The following CDIN1 variants were observed in gnomAD, a reference collection of about 807,000 sequenced individuals.
The protein encoded by CDIN1 is CDAN1 interacting nuclease 1.
CDIN1 carries 33 observed loss-of-function variants against 45.3 expected under a neutral mutation model. The ratio of observed to expected loss-of-function variants is 0.73; its 90% CI spans 0.55 to 0.97. CDIN1 has a LOEUF of 0.97. Among genes scored for constraint, CDIN1 ranks in the 50% least tolerant of loss-of-function variants. The probability of loss-of-function intolerance (pLI) is 0.00; values close to 1 mark genes in which losing one functional copy is unlikely to be tolerated. For missense variants in CDIN1, 303 were observed against 339.4 expected, an observed-to-expected ratio of 0.89 and a Z score of 0.84; for synonymous variants, 118 against 124.4, an observed-to-expected ratio of 0.95 and a Z score of 0.34.
At chr15:36,655,383 G>A (rs575774329) in intron 4 of CDIN1, among the ~76,000 whole-genome samples, 2 of 150,398 alleles carry the variant, frequency 1.3e-5, no homozygotes, top group Non-Finnish European at 2.9e-5. Flanking sequence ...CTGGAGTGCA[G>A]TGGCGTGATC....
intron 10 of CDIN1, among the ~76,000 whole-genome samples, chr15:36,734,177 G>A (rs1000652433): frequency 2.6e-5 from 4 of 152,122 alleles, no homozygotes; most frequent in South Asian, 4.1e-4. Flanking sequence ...AATCTCACCC[G>A]TAAAGTAGGA....
intron 5 of CDIN1, among the ~76,000 whole-genome samples, chr15:36,680,234 T>C (rs778128385): frequency 1.2e-4 from 19 of 152,182 alleles, no homozygotes; most frequent in Non-Finnish European, 2.5e-4. Context: ...GTGATTGCAC[T>C]CCCCATCCTG....
At chr15:36,797,737 T>TG (rs112386715) in intron 10 of CDIN1, among the ~76,000 whole-genome samples, 28 of 152,202 alleles carry the variant, frequency 1.8e-4, no homozygotes, top group African/African-American at 6.3e-4. Flanking sequence ...CCCAGCACTT[T>TG]GGGGGGCCGA....
At chr15:36,805,370 A>G (rs758183035) in intron 10 of CDIN1, among the ~76,000 whole-genome samples, 10 of 152,160 alleles carry the variant, frequency 6.6e-5, no homozygotes, top group Non-Finnish European at 1.3e-4. Context: ...TCTGCTGTGC[A>G]TATCTCCTCA....
intron 1 of CDIN1, among the ~76,000 whole-genome samples, chr15:36,606,003 T>C (rs542835810): frequency 1.3e-5 from 2 of 152,256 alleles, no homozygotes; most frequent in African/African-American, 2.4e-5. Flanking sequence ...CTTGCTTCAT[T>C]AGCGTGCTTG....
At chr15:36,687,191 G>A (rs1316703043) in intron 5 of CDIN1, among the ~76,000 whole-genome samples, 1 of 152,040 alleles carries the variant, frequency 6.6e-6, no homozygotes, top group Admixed American at 6.6e-5. Flanking sequence ...GAAAATAAGA[G>A]AGTAAAAATA....
At chr15:36,669,042 C>T (rs986829564) in intron 5 of CDIN1, 22 of 152,044 alleles carry the variant, frequency 1.4e-4, no homozygotes, top group African/African-American at 4.6e-4. Context: ...TGTGAATTCT[C>T]TGATAATTTT....
At chr15:36,583,766 C>T (rs149015076) in intron 1 of CDIN1, among the ~76,000 whole-genome samples, 61 of 152,288 alleles carry the variant, frequency 4.0e-4, no homozygotes, top group African/African-American at 1.3e-3. Flanking sequence ...CCTGTAATCC[C>T]GGCACTTTGG....
intron 1 of CDIN1, among the ~76,000 whole-genome samples, chr15:36,592,482 C>G (rs1260634369): frequency 3.3e-5 from 5 of 152,168 alleles, no homozygotes; most frequent in Non-Finnish European, 7.3e-5. Flanking sequence ...CAAGGGATGT[C>G]TTTCATAGAT....
chr15:36,607,472 A>G (rs2038430448), intron 1 of CDIN1, among the ~76,000 whole-genome samples: 2 of 152,296 alleles, frequency 1.3e-5, no homozygotes, highest in East Asian at 1.9e-4. Context: ...GTAAAATATA[A>G]TAGCTTACTT....
intron 8 of CDIN1, chr15:36,708,082 G>C (rs541676145): frequency 6.6e-6 from 1 of 152,100 alleles, no homozygotes; most frequent in African/African-American, 2.4e-5. Flanking sequence ...TTGAAATGCT[G>C]ACCTTTCAAG....
chr15:36,690,244 T>A (rs1037547694), intron 5 of CDIN1, among the ~76,000 whole-genome samples: 8 of 152,166 alleles, frequency 5.3e-5, no homozygotes, highest in African/African-American at 1.4e-4. Flanking sequence ...ATTTCCTTAT[T>A]TATTTCCACA....
At chr15:36,796,207 G>A (rs2054791708) in intron 10 of CDIN1, among the ~76,000 whole-genome samples, 1 of 152,130 alleles carries the variant, frequency 6.6e-6, no homozygotes, top group African/African-American at 2.4e-5. Context: ...ACTGTTGGGT[G>A]GGGTTTTTGG....
chr15:36,714,892 T>A (rs934946936), intron 10 of CDIN1, among the ~76,000 whole-genome samples: 12 of 152,200 alleles, frequency 7.9e-5, no homozygotes, highest in African/African-American at 2.9e-4. Context: ...ACCTGGAATG[T>A]GGCCTAGAAA....
chr15:36,772,458 G>T (rs980344016), intron 10 of CDIN1, among the ~76,000 whole-genome samples: 1 of 152,194 alleles, frequency 6.6e-6, no homozygotes, highest in Non-Finnish European at 1.5e-5. Flanking sequence ...TTCAGGTAAA[G>T]GATTATGATA....
At chr15:36,681,207 G>A (rs906083859) in intron 5 of CDIN1, among the ~76,000 whole-genome samples, 2 of 152,106 alleles carry the variant, frequency 1.3e-5, no homozygotes, top group Admixed American at 6.5e-5. Flanking sequence ...ATAGAATTTT[G>A]TAAGAGCAGA....
rs563281735 is a variant in CDIN1 at position 36,808,924 on chromosome 15, A to C, written c.*471A>C. 11 of 455,688 alleles carry C rather than the reference A, an allele frequency of 2.4e-5. No homozygotes were observed. The highest frequency in any genetic ancestry group is 4.0e-5 in the African/African-American group (2 of 49,900). 28.2% of individuals were successfully genotyped at this position (455,688 alleles called of 1,614,324 possible). ...CACAGAGACCCAGCATTGCATTACC[A>C]TCGTGGAATAATCTAGCGCAAACCT... On this transcript the variant is annotated 3_prime_UTR_variant, in exon 11 of 11. Coordinates refer to ENST00000566621, the MANE Select transcript of CDIN1 (RefSeq NM_001321759.2).
intron 10 of CDIN1, among the ~76,000 whole-genome samples, chr15:36,757,772 G>C (rs961311296): frequency 2.0e-5 from 3 of 152,086 alleles, no homozygotes; most frequent in African/African-American, 7.2e-5. Flanking sequence ...CCTACTGTCA[G>C]GAGAGCAGTA....
intron 5 of CDIN1, among the ~76,000 whole-genome samples, chr15:36,689,122 T>A (rs1020721501): frequency 6.6e-5 from 10 of 152,220 alleles, no homozygotes; most frequent in African/African-American, 2.4e-4. Flanking sequence ...ATATTCAGAC[T>A]TTTAAAAAAA....
Sources: allele counts gnomAD v4.1 joint callset (sites outside exome capture counted in the v4.1 genomes callset), GRCh38; gene constraint gnomAD v4.1.1; transcripts MANE v1.5; gene names NCBI Gene and HGNC (gene_info 2026-07-23, HGNC 2026-07-21).